The following GRM5 variants were observed in gnomAD, a reference collection of about 807,000 sequenced individuals.
GRM5 encodes metabotropic glutamate receptor 5.
In GRM5, 19 loss-of-function variants were observed where a neutral mutation model predicts 83.1. The ratio of observed to expected loss-of-function variants is 0.23; its 90% CI spans 0.16 to 0.34. The LOEUF is 0.34. Ranked by LOEUF, GRM5 falls within the 10% of genes least tolerant of loss-of-function variation. GRM5 has a pLI of 1.00. For missense variants in GRM5, 1,160 were observed against 1,588.3 expected, an observed-to-expected ratio of 0.73 and a Z score of 4.58; for synonymous variants, 675 against 633.6, an observed-to-expected ratio of 1.07 and a Z score of -0.98.
chr11:89,036,012 CTAT>C (rs1941375962), intron 2 of GRM5, among the ~76,000 whole-genome samples: 1 of 151,952 alleles, frequency 6.6e-6, no homozygotes, highest in Non-Finnish European at 1.5e-5. Flanking sequence ...CTGCTTGTAC[CTAT>C]TTTTTTCACT....
At chr11:88,739,687 C>G (rs183451611) in intron 3 of GRM5, among the ~76,000 whole-genome samples, 51 of 152,160 alleles carry the variant, frequency 3.4e-4, no homozygotes, top group African/African-American at 1.1e-3. Flanking sequence ...GTTCCTCCTT[C>G]GCTCACACTT....
At chr11:88,945,115 GACACACACACACAT>G (rs1938234534) in intron 2 of GRM5, among the ~76,000 whole-genome samples, 1 of 137,590 alleles carries the variant, frequency 7.3e-6, no homozygotes, top group African/African-American at 2.7e-5. Flanking sequence ...ATTTACAATA[GACACACACACACAT>G]ACACACACAC....
chr11:88,950,962 C>T (rs1483346260), intron 2 of GRM5, among the ~76,000 whole-genome samples: 1 of 152,072 alleles, frequency 6.6e-6, no homozygotes, highest in Non-Finnish European at 1.5e-5. Context: ...TTTATGAGAC[C>T]ATCAGTGTTG....
At chr11:88,881,415 G>A (rs1944951759) in intron 2 of GRM5, among the ~76,000 whole-genome samples, 1 of 137,324 alleles carries the variant, frequency 7.3e-6, no homozygotes, top group South Asian at 2.3e-4. Flanking sequence ...AAAGTTACTT[G>A]GCAGAGGGCA....
At chr11:88,850,636 T>C (rs1270221975) in intron 2 of GRM5, among the ~76,000 whole-genome samples, 3 of 149,326 alleles carry the variant, frequency 2.0e-5, no homozygotes, top group South Asian at 2.1e-4. Flanking sequence ...TATTATATTA[T>C]ATATAATATT....
chr11:88,543,626 T>C (rs577046660), intron 8 of GRM5, among the ~76,000 whole-genome samples: 1 of 147,800 alleles, frequency 6.8e-6, no homozygotes, highest in South Asian at 2.1e-4. Context: ...CATACCATCA[T>C]GTTATCCTTT....
chr11:88,723,976 A>G (rs922519710), intron 3 of GRM5, among the ~76,000 whole-genome samples: 4 of 152,184 alleles, frequency 2.6e-5, no homozygotes, highest in Non-Finnish European at 5.9e-5. Context: ...TCCATTACCT[A>G]AATAGTGAAC....
chr11:88,714,694 C>T (rs1941362078), intron 3 of GRM5, among the ~76,000 whole-genome samples: 1 of 151,894 alleles, frequency 6.6e-6, no homozygotes, highest in South Asian at 2.1e-4. Context: ...TGTGAAGGAG[C>T]TTCATGCTCA....
intron 3 of GRM5, among the ~76,000 whole-genome samples, chr11:88,694,942 AT>A (rs1475341828): frequency 6.6e-6 from 1 of 152,214 alleles, no homozygotes; most frequent in Non-Finnish European, 1.5e-5. Context: ...AAATGGAAGC[AT>A]TTTTAAACTC....
chr11:88,816,946 GATCT>G (rs1011897101), intron 3 of GRM5, among the ~76,000 whole-genome samples: 16 of 152,084 alleles, frequency 1.1e-4, no homozygotes, highest in African/African-American at 3.1e-4. Flanking sequence ...AACTCTAACA[GATCT>G]ATCTATCTGT....
chr11:88,797,928 A>G (rs908208510), intron 3 of GRM5, among the ~76,000 whole-genome samples: 1 of 152,080 alleles, frequency 6.6e-6, no homozygotes, highest in African/African-American at 2.4e-5. Context: ...ATAGAAAATA[A>G]TAACTCTTAA....
chr11:88,517,625 T>C (rs1941558613), intron 9 of GRM5, among the ~76,000 whole-genome samples: 1 of 152,162 alleles, frequency 6.6e-6, no homozygotes, highest in Non-Finnish European at 1.5e-5. Flanking sequence ...TTGGACACAA[T>C]TCCCAAATTT....
intron 3 of GRM5, among the ~76,000 whole-genome samples, chr11:88,756,817 C>T (rs773959522): frequency 6.6e-6 from 1 of 151,908 alleles, no homozygotes; most frequent in Non-Finnish European, 1.5e-5. Flanking sequence ...AGTAGGATAA[C>T]CTATGTACTG....
chr11:88,591,798 A>G (rs1359151463), intron 6 of GRM5, among the ~76,000 whole-genome samples: 1 of 152,234 alleles, frequency 6.6e-6, no homozygotes, highest in Non-Finnish European at 1.5e-5. Context: ...GCTTTTCCCT[A>G]AAGTAACTAA....
intron 8 of GRM5, among the ~76,000 whole-genome samples, chr11:88,556,260 A>ATAGGG (rs1942623485): frequency 1.3e-5 from 2 of 152,036 alleles, no homozygotes; most frequent in Non-Finnish European, 2.9e-5. Flanking sequence ...AGATGACCCC[A>ATAGGG]GGATTAGTGA....
chr11:89,004,714 T>C (rs528489980), intron 2 of GRM5, among the ~76,000 whole-genome samples: 2 of 152,340 alleles, frequency 1.3e-5, no homozygotes, highest in East Asian at 1.9e-4. Flanking sequence ...AAGTTACTTA[T>C]CTTACTAAAA....
intron 2 of GRM5, among the ~76,000 whole-genome samples, chr11:89,014,465 C>A (rs1940798062): frequency 6.6e-6 from 1 of 151,770 alleles, no homozygotes; most frequent in Non-Finnish European, 1.5e-5. Flanking sequence ...TTTTTTTTGC[C>A]TCTTTCAATT....
chr11:88,946,548 C>G (rs1001495162), intron 2 of GRM5, among the ~76,000 whole-genome samples: 3 of 152,000 alleles, frequency 2.0e-5, no homozygotes, highest in Non-Finnish European at 4.4e-5. Flanking sequence ...TTATCCTAAG[C>G]AAATTAATGC....
intron 3 of GRM5, among the ~76,000 whole-genome samples, chr11:88,776,387 A>G (rs1362701537): frequency 6.6e-6 from 1 of 152,002 alleles, no homozygotes; most frequent in Non-Finnish European, 1.5e-5. Context: ...TCTTGACTCT[A>G]TCCAATTTGA....
Sources: gnomAD v4.1 joint callset for allele counts (sites outside exome capture counted in the v4.1 genomes callset) on GRCh38, gnomAD v4.1.1 for gene constraint, MANE v1.5 for transcripts, NCBI Gene and HGNC (gene_info 2026-07-23, HGNC 2026-07-21) for gene names.